CYREN: variants seen among roughly 807,000 people sequenced by gnomAD.
CYREN encodes the protein cell cycle regulator of NHEJ.
A neutral mutation model predicts 9.7 loss-of-function variants in CYREN; 7 were observed. The ratio of observed to expected loss-of-function variants is 0.72; its 90% confidence interval spans 0.41 to 1.36. CYREN has a LOEUF of 1.36. Among genes scored for constraint, CYREN ranks in the 40% most tolerant of loss-of-function variants. The probability of loss-of-function intolerance (pLI) is 0.01; values close to 1 mark genes in which losing one functional copy is unlikely to be tolerated. For synonymous variants in CYREN, 76 were observed against 77.9 expected (o/e 0.98, Z 0.13); for missense variants, 215 against 198.1 (o/e 1.09, Z -0.51).
chr7:135,171,888 G>A (rs565836465), upstream of CYREN, among the ~76,000 whole-genome samples: 49 of 152,354 alleles, frequency 3.2e-4, 1 homozygote, highest in South Asian at 9.1e-3. Flanking sequence ...CCAGAGCAGC[G>A]CATAGCAGGC....
At chr7:135,158,279 C>T (rs1016115056) in intron 2 of CYREN, among the ~76,000 whole-genome samples, 1 of 152,200 alleles carries the variant, frequency 6.6e-6, no homozygotes, top group Non-Finnish European at 1.5e-5. Flanking sequence ...TGGGTATTGA[C>T]CTAGATGTGC....
intron 2 of CYREN, chr7:135,135,379 A>C (rs1211692527): frequency 1.2e-6 from 1 of 843,792 alleles, no homozygotes; most frequent in Non-Finnish European, 1.6e-6. Flanking sequence ...TTACACATGC[A>C]TATGCATAAA....
intron 2 of CYREN, among the ~76,000 whole-genome samples, chr7:135,098,813 T>C (rs6959657): frequency 0.26 from 39,529 of 152,088 alleles, 5,778 homozygotes; most frequent in East Asian, 0.58. Context: ...AATATGTCAT[T>C]GTTAGTTTTT....
intron 2 of CYREN, among the ~76,000 whole-genome samples, chr7:135,132,909 A>G (rs1023605043): frequency 6.6e-6 from 1 of 152,218 alleles, no homozygotes; most frequent in African/African-American, 2.4e-5. Context: ...TCTATTGAAC[A>G]TTGTGCTAGA....
chr7:135,160,671 G>GTT (rs1287272064), intron 2 of CYREN, among the ~76,000 whole-genome samples: 1 of 151,358 alleles, frequency 6.6e-6, no homozygotes, highest in Non-Finnish European at 1.5e-5. Flanking sequence ...GTCCTAAGAT[G>GTT]TGTAACCAGG....
chr7:135,171,557 CTCAAATCA>C (rs1585385950), upstream of CYREN, among the ~76,000 whole-genome samples: 1 of 152,222 alleles, frequency 6.6e-6, no homozygotes, highest in Non-Finnish European at 1.5e-5. Flanking sequence ...CCCTTGCTTG[CTCAAATCA>C]ATCACGACCC....
At chr7:135,138,665 T>C (rs1221123945) in intron 2 of CYREN, among the ~76,000 whole-genome samples, 1 of 152,036 alleles carries the variant, frequency 6.6e-6, no homozygotes, top group Non-Finnish European at 1.5e-5. Context: ...GTTGTGGGCA[T>C]TTGGTGTACA....
chr7:135,100,720 T>A (rs375658471), intron 2 of CYREN, among the ~76,000 whole-genome samples: 2 of 152,228 alleles, frequency 1.3e-5, no homozygotes, highest in Non-Finnish European at 2.9e-5. Context: ...CTTAATTTTT[T>A]AAAATGTATT....
intron 2 of CYREN, chr7:135,129,317 TA>T: frequency 7.5e-7 from 1 of 1,334,646 alleles, no homozygotes; most frequent in Non-Finnish European, 1.1e-6. Context: ...TCTCTCCATG[TA>T]AGGTGACTGC....
chr7:135,137,627 A>C (rs1829377027), intron 2 of CYREN, among the ~76,000 whole-genome samples: 1 of 152,144 alleles, frequency 6.6e-6, no homozygotes, highest in South Asian at 2.1e-4. Context: ...AGCAGGGATA[A>C]GAATTACATC....
At chr7:135,156,729 G>C (rs143898434) in intron 2 of CYREN, among the ~76,000 whole-genome samples, 6 of 152,122 alleles carry the variant, frequency 3.9e-5, no homozygotes, top group Non-Finnish European at 5.9e-5. Flanking sequence ...CTTTGATTGG[G>C]ATCTGCTGCT....
intron 2 of CYREN, among the ~76,000 whole-genome samples, chr7:135,147,193 G>A (rs2117411325): frequency 6.6e-6 from 1 of 152,286 alleles, no homozygotes; most frequent in South Asian, 2.1e-4. Context: ...GATGCTCAAA[G>A]AGATTAAATA....
intron 2 of CYREN, chr7:135,099,852 T>C (rs941826045): frequency 6.6e-6 from 1 of 150,680 alleles, no homozygotes; most frequent in Non-Finnish European, 1.5e-5. Flanking sequence ...TTTATTTCTG[T>C]GCATTTAGCA....
chr7:135,106,236 T>C (rs1824698443), intron 2 of CYREN, among the ~76,000 whole-genome samples: 1 of 152,234 alleles, frequency 6.6e-6, no homozygotes, highest in Admixed American at 6.5e-5. Context: ...TCTTGGCTGA[T>C]TGCTCTGGCC....
intron 2 of CYREN, among the ~76,000 whole-genome samples, chr7:135,136,094 C>T (rs187477150): frequency 4.6e-5 from 7 of 152,102 alleles, no homozygotes; most frequent in Admixed American, 2.6e-4. Context: ...GTATGTCAGG[C>T]AGAAGAGTCA....
rs1486518028 is a variant in CYREN at position 135,168,293 on chromosome 7, CCCCCCCCCG to C, written c.137+484_138-487del. On this transcript the variant is annotated intron_variant, in intron 2 of 3. Transcript: ENST00000393114. ...ACAGTGCAGCCTGGAGACTCACCAC[CCCCCCCCCG>C]CCCCCCCCCGGCAATTACCGTCATT... 6.8e-5 allele frequency: 2 copies of C among 29,420 alleles called. 1 individual carries two copies. Among genetic ancestry groups the C allele is most frequent in the African/African-American group, 2.2e-4 (2 of 9,288 alleles). 1.8% of individuals were successfully genotyped at this position (29,420 alleles called of 1,614,324 possible). A position where few individuals can be genotyped will look rare whatever the true frequency, so the allele number is the denominator to read the frequency against.
intron 2 of CYREN, among the ~76,000 whole-genome samples, chr7:135,145,590 A>T (rs1178805156): frequency 6.6e-6 from 1 of 152,212 alleles, no homozygotes; most frequent in African/African-American, 2.4e-5. Context: ...TTTGATAAAG[A>T]TTTGAGGGTT....
upstream of CYREN, chr7:135,170,746 C>T (rs1170377983): frequency 6.6e-6 from 1 of 152,330 alleles, no homozygotes; most frequent in Non-Finnish European, 1.5e-5. Context: ...CTCCGGGGTC[C>T]CGCGGGCTCC....
chr7:135,166,532 G>A lies in CYREN; in HGVS notation c.*79C>T, dbSNP rs111519723. 4,490 of 1,506,292 alleles carry A rather than the reference G, an allele frequency of 3.0e-3. 119 individuals are homozygous for A. In the African/African-American group the frequency reaches 0.056, roughly 19 times the overall value. The allele number at this position is 1,506,292 out of a possible 1,614,324, so 93.3% of individuals were successfully genotyped here. A position where few individuals can be genotyped will look rare whatever the true frequency, so the allele number is the denominator to read the frequency against. The stretch of plus-strand genomic sequence containing the variant: ...CACAGAGAGCCCCATTCCCACAGGC[G>A]GGCGGCCCAGCAGCACCAGTGGAAG... On this transcript the variant is annotated 3_prime_UTR_variant, in exon 4 of 4. Transcript: ENST00000393114.
Sources: allele counts gnomAD v4.1 joint callset (sites outside exome capture counted in the v4.1 genomes callset), GRCh38; gene constraint gnomAD v4.1.1; transcripts MANE v1.5; gene names NCBI Gene and HGNC (gene_info 2026-07-23, HGNC 2026-07-21).